TMEM169: variants seen among roughly 807,000 people sequenced by gnomAD.
The protein encoded by TMEM169 is transmembrane protein 169.
Under a neutral mutation model 27.3 loss-of-function variants are expected in TMEM169, and 18 were observed. That is an observed-to-expected ratio of 0.66 (90% CI 0.46 to 0.98). The LOEUF (loss-of-function observed/expected upper bound fraction) is 0.98, where lower values mean the gene tolerates loss of function less well. Among genes scored for constraint, TMEM169 ranks in the 50% least tolerant of loss-of-function variants. The probability of loss-of-function intolerance (pLI) is 0.00; values close to 1 mark genes in which losing one functional copy is unlikely to be tolerated. For missense variants in TMEM169, 320 were observed against 368.6 expected, an observed-to-expected ratio of 0.87 and a Z score of 1.08; for synonymous variants, 136 against 142.1, an observed-to-expected ratio of 0.96 and a Z score of 0.30.
intron 1 of TMEM169, among the ~76,000 whole-genome samples, chr2:216,083,759 A>G (rs1042090694): frequency 3.9e-5 from 6 of 152,322 alleles, no homozygotes; most frequent in African/African-American, 7.2e-5. Context: ...CAGAACCTGC[A>G]ATTAAGAGAG....
chr2:216,099,756 C>T lies in TMEM169; in HGVS notation c.272-164C>T, dbSNP rs772132306. Among the ~76,000 whole-genome samples the T allele has an allele frequency of 1.2e-4, 18 of 152,026 alleles. No individual in the cohort carries two copies. The highest frequency in any genetic ancestry group is 2.4e-4 in the Non-Finnish European group (16 of 68,014). On this transcript the variant is annotated intron_variant, in intron 2 of 2. Transcript: ENST00000437356. This position sits in a 1 kb window ranked among gnomAD's most constrained non-coding sequence, Gnocchi z 5.0. ...GCAATAACACCAGTGGTCACTCTCC[C>T]GAGGGAGACCCACTCAGTCCGCCAT...
chr2:216,088,301 A>T (rs1387546354), intron 1 of TMEM169, among the ~76,000 whole-genome samples: 1 of 152,048 alleles, frequency 6.6e-6, no homozygotes. Flanking sequence ...CTACTAAAAA[A>T]GAAATACAAA....
chr2:216,088,407 TG>T (rs2105980578), intron 1 of TMEM169, among the ~76,000 whole-genome samples: 1 of 152,366 alleles, frequency 6.6e-6, no homozygotes, highest in East Asian at 1.9e-4. Flanking sequence ...GAGCTTGCAG[TG>T]GGCTGAGATC....
chr2:216,086,057 A>G (rs1695987351), intron 1 of TMEM169, among the ~76,000 whole-genome samples: 1 of 151,816 alleles, frequency 6.6e-6, no homozygotes, highest in Non-Finnish European at 1.5e-5. Context: ...GTAATATCAC[A>G]TTTGTAAGAA....
Position 216,099,913 on chromosome 2 carries a change from C to A in TMEM169, c.272-7C>A. On this transcript the variant is annotated splice_region_variant and splice_polypyrimidine_tract_variant and intron_variant, in intron 2 of 2. Transcript: ENST00000437356. The surrounding 1 kb of genome is among the most constrained non-coding windows in gnomAD (Gnocchi z 5.0). ...ATCTTGACTCTCACCTCCTTTGTAC[C>A]CTGCAGATATGTGGAACCTGCCTCT... is the stretch of plus-strand genomic sequence containing the variant. 6.2e-7 allele frequency: 1 copy of A among 1,606,854 alleles called. No homozygotes were observed. The highest frequency in any genetic ancestry group is 1.7e-5 in the Admixed American group (1 of 59,000).
intron 1 of TMEM169, among the ~76,000 whole-genome samples, chr2:216,094,046 A>G (rs76054035): frequency 0.012 from 1,791 of 152,310 alleles, 44 homozygotes; most frequent in African/African-American, 0.041. Context: ...TTGGAAATAA[A>G]GGGATGGCAA....
At chr2:216,085,083 A>G (rs1415915141) in intron 1 of TMEM169, among the ~76,000 whole-genome samples, 1 of 152,128 alleles carries the variant, frequency 6.6e-6, no homozygotes, top group African/African-American at 2.4e-5. Flanking sequence ...TCTGCCTCCC[A>G]GGTTCAAACA....
chr2:216,085,114 C>T (rs768469922), intron 1 of TMEM169, among the ~76,000 whole-genome samples: 2 of 152,168 alleles, frequency 1.3e-5, no homozygotes, highest in Non-Finnish European at 2.9e-5. Flanking sequence ...CTCAGCCTTC[C>T]GAGAAGCTGA....
At chr2:216,094,996 T>A (rs1437128597) in intron 1 of TMEM169, among the ~76,000 whole-genome samples, 1 of 152,152 alleles carries the variant, frequency 6.6e-6, no homozygotes, top group Non-Finnish European at 1.5e-5. Context: ...GTTGTACCAT[T>A]TGAGTGGCTT....
chr2:216,087,790 C>A (rs536357193), intron 1 of TMEM169, among the ~76,000 whole-genome samples: 4 of 152,324 alleles, frequency 2.6e-5, no homozygotes, highest in Middle Eastern at 3.4e-3. Context: ...ACACAATAAA[C>A]ATCCAATAAG....
rs183599624 is a variant in TMEM169 at position 216,086,167 on chromosome 2, C to T, written c.-127+4188C>T. The stretch of plus-strand genomic sequence containing the variant: ...GCAACCTCTGCCTCCCGGGTTCAAG[C>T]GATTCTCCTACCTCAGCCTCCGGAG... On this transcript the variant is annotated intron_variant, in intron 1 of 2. Transcript: ENST00000437356. Among the ~76,000 whole-genome samples the T allele has an allele frequency of 6.5e-4, 99 of 151,942 alleles. No homozygotes were observed. The South Asian group carries it at 0.01, about 16-fold the overall frequency.
Position 216,101,978 on chromosome 2 carries a change from A to T in TMEM169, c.*1436A>T, listed in dbSNP as rs1343598343. ...GAATATGCTATACATCGATATTAGC[A>T]CCTCACGTACTTTGCAATTAAGCTT... is the stretch of plus-strand genomic sequence containing the variant. On this transcript the variant is annotated 3_prime_UTR_variant, in exon 3 of 3. Transcript: ENST00000437356. 1.3e-5 allele frequency: 2 copies of T among 152,150 alleles called. No homozygotes were observed. The highest frequency in any genetic ancestry group is 2.9e-5 in the Non-Finnish European group (2 of 68,038). 9.4% of individuals were successfully genotyped at this position (152,150 alleles called of 1,614,324 possible).
intron 1 of TMEM169, among the ~76,000 whole-genome samples, chr2:216,091,165 T>C (rs1023704896): frequency 6.6e-6 from 1 of 152,132 alleles, no homozygotes; most frequent in Non-Finnish European, 1.5e-5. Flanking sequence ...TGGTTTGTTT[T>C]CCCCCCAAAT....
intron 1 of TMEM169, among the ~76,000 whole-genome samples, chr2:216,087,349 T>C (rs1324865395): frequency 1.3e-5 from 2 of 152,204 alleles, no homozygotes; most frequent in African/African-American, 4.8e-5. Flanking sequence ...AGGAATGTCT[T>C]CCATTTTAGA....
At chr2:216,097,049 C>G (rs1015832819) in intron 2 of TMEM169, among the ~76,000 whole-genome samples, 1 of 152,220 alleles carries the variant, frequency 6.6e-6, no homozygotes, top group Non-Finnish European at 1.5e-5. Flanking sequence ...CCGCTTCAAC[C>G]ACTTTGTGGA....
intron 1 of TMEM169, among the ~76,000 whole-genome samples, chr2:216,093,507 G>C (rs1319388576): frequency 6.6e-6 from 1 of 152,164 alleles, no homozygotes; most frequent in Non-Finnish European, 1.5e-5. Flanking sequence ...GACAAAGTCA[G>C]GCAGTGAGGA....
In TMEM169 at chr2:216,099,810, T is replaced by C. The variant is rs984344036; in HGVS notation, c.272-110T>C. The C allele has an allele frequency of 1.2e-4, 164 of 1,413,344 alleles. No individual in the cohort carries two copies. In the African/African-American group the frequency reaches 2.0e-3, roughly 17 times the overall value. The allele number at this position is 1,413,344 out of a possible 1,614,324, so 87.6% of individuals were successfully genotyped here. A position where few individuals can be genotyped will look rare whatever the true frequency, so the allele number is the denominator to read the frequency against. On this transcript the variant is annotated intron_variant, in intron 2 of 2. Transcript: ENST00000437356. This position sits in a 1 kb window ranked among gnomAD's most constrained non-coding sequence, Gnocchi z 5.0. ...ATCACTGACTCAGGACTGTGCCAGA[T>C]GGTGTAAAAAAGGCTACTCTTGTCC...
intron 2 of TMEM169, 25 bp downstream of exon 2, chr2:216,096,259 T>G: frequency 6.2e-7 from 1 of 1,600,470 alleles, no homozygotes; most frequent in Non-Finnish European, 8.5e-7. Context: ...CCCACTTGTT[T>G]AAAGCCATGG....
chr2:216,096,799 T>C (rs569077778), intron 2 of TMEM169, among the ~76,000 whole-genome samples: 2 of 152,300 alleles, frequency 1.3e-5, no homozygotes, highest in East Asian at 3.9e-4. Flanking sequence ...ACGCAAAAAC[T>C]GGTAACACAA....
Sources: allele counts gnomAD v4.1 joint callset (sites outside exome capture counted in the v4.1 genomes callset), GRCh38; gene constraint gnomAD v4.1.1; non-coding constraint Gnocchi (gnomAD v3.1); transcripts MANE v1.5; gene names NCBI Gene and HGNC (gene_info 2026-07-23, HGNC 2026-07-21).